PPARGC1B: variants seen among roughly 807,000 people sequenced by gnomAD.
The protein encoded by PPARGC1B is peroxisome proliferator-activated receptor gamma coactivator 1-beta.
Under a neutral mutation model 101.6 loss-of-function variants are expected in PPARGC1B, and 34 were observed. The ratio of observed to expected loss-of-function variants is 0.33; its 90% CI spans 0.25 to 0.45. PPARGC1B has a LOEUF of 0.45. Ranked by LOEUF, PPARGC1B falls within the 20% of genes least tolerant of loss-of-function variation. The pLI, the probability that PPARGC1B is intolerant of heterozygous loss-of-function variation, is 1.00. For synonymous variants in PPARGC1B, 548 were observed against 539.3 expected, an observed-to-expected ratio of 1.02 and a Z score of -0.22; for missense variants, 1,234 against 1,317.6, an observed-to-expected ratio of 0.94 and a Z score of 0.98.
At chr5:149,769,869 C>T (rs1224715481) in intron 1 of PPARGC1B, among the ~76,000 whole-genome samples, 3 of 152,214 alleles carry the variant, frequency 2.0e-5, no homozygotes, top group Non-Finnish European at 4.4e-5. Context: ...CTGCCTCCCT[C>T]TTAAAAAGAC....
chr5:149,773,528 T>C (rs1240298111), intron 1 of PPARGC1B, among the ~76,000 whole-genome samples: 1 of 152,142 alleles, frequency 6.6e-6, no homozygotes, highest in Non-Finnish European at 1.5e-5. Flanking sequence ...GGTTGCTCTG[T>C]TCTAGCCTGG....
chr5:149,779,006 A>C (rs1756497347), intron 1 of PPARGC1B, among the ~76,000 whole-genome samples: 1 of 151,954 alleles, frequency 6.6e-6, no homozygotes. Context: ...GAAAGCTGTT[A>C]CTCCCAATAA....
chr5:149,773,748 A>C (rs763942283), intron 1 of PPARGC1B, among the ~76,000 whole-genome samples: 10 of 152,004 alleles, frequency 6.6e-5, no homozygotes, highest in Admixed American at 3.3e-4. Flanking sequence ...CTGGAAATGG[A>C]TGTGTGAGGT....
intron 1 of PPARGC1B, among the ~76,000 whole-genome samples, chr5:149,809,716 T>G (rs1032486090): frequency 7.2e-6 from 1 of 139,322 alleles, no homozygotes; most frequent in African/African-American, 2.7e-5. Flanking sequence ...AAAAAAAAAT[T>G]AATCAATTTC....
At chr5:149,759,876 G>A (rs1188511837) in intron 1 of PPARGC1B, among the ~76,000 whole-genome samples, 1 of 152,236 alleles carries the variant, frequency 6.6e-6, no homozygotes, top group Non-Finnish European at 1.5e-5. Context: ...ATTTGCCTAA[G>A]TCAGGCAGCT....
intron 1 of PPARGC1B, among the ~76,000 whole-genome samples, chr5:149,799,729 C>CTTTT: frequency 1.0e-5 from 1 of 98,460 alleles, no homozygotes; most frequent in Admixed American, 1.6e-4. Flanking sequence ...CGAAGTCTTG[C>CTTTT]TCTTGTCACC....
At chr5:149,791,940 C>A (rs969793186) in intron 1 of PPARGC1B, among the ~76,000 whole-genome samples, 2 of 152,158 alleles carry the variant, frequency 1.3e-5, no homozygotes, top group Admixed American at 1.3e-4. Context: ...GCCTAGGGAA[C>A]CCCAGGATAC....
chr5:149,749,794 G>C (rs923371464), intron 1 of PPARGC1B, among the ~76,000 whole-genome samples: 7 of 152,230 alleles, frequency 4.6e-5, no homozygotes, highest in African/African-American at 1.7e-4. Context: ...CCTAATCTCT[G>C]CCATCCTGTG....
At chr5:149,780,019 G>A (rs577714337) in intron 1 of PPARGC1B, among the ~76,000 whole-genome samples, 1 of 152,324 alleles carries the variant, frequency 6.6e-6, no homozygotes, top group East Asian at 1.9e-4. Context: ...CTCAGCCCAA[G>A]ATGCTGAAAG....
In PPARGC1B at chr5:149,809,175, C is replaced by CATAGATAG. The variant is rs1170949360; in HGVS notation, c.79-11219_79-11212dup. ...GATAGATAGATAGATCCATCTCTACCATAGATAGATAGATAGATAGATAGA... is the reference window on the plus strand; with the variant it reads ...GATAGATAGATAGATCCATCTCTACCATAGATAGATAGATAGATAGATAGATAGATAGA... On this transcript the variant is annotated intron_variant, in intron 1 of 11. Coordinates refer to ENST00000309241, the MANE Select transcript of PPARGC1B (RefSeq NM_133263.4). Among the ~76,000 whole-genome samples, 18 of 42,942 alleles carry CATAGATAG rather than the reference C, an allele frequency of 4.2e-4. 1 individual carries two copies. Among genetic ancestry groups the CATAGATAG allele is most frequent in the African/African-American group, 1.7e-3 (18 of 10,866 alleles). The allele number at this position is 42,942 out of a possible 152,430, so 28.2% of individuals were successfully genotyped here. A position where few individuals can be genotyped will look rare whatever the true frequency, so the allele number is the denominator to read the frequency against.
At chr5:149,839,312 G>T (rs759882376) in intron 8 of PPARGC1B, among the ~76,000 whole-genome samples, 5 of 152,208 alleles carry the variant, frequency 3.3e-5, no homozygotes, top group Non-Finnish European at 7.3e-5. Context: ...CAGGGAGGCG[G>T]TGGGGCCAAG....
chr5:149,828,575 A>C (rs1435574313), intron 3 of PPARGC1B, among the ~76,000 whole-genome samples: 1 of 152,226 alleles, frequency 6.6e-6, no homozygotes, highest in African/African-American at 2.4e-5. Context: ...TTGGAGAAGA[A>C]CCAAAGCTTA....
intron 1 of PPARGC1B, among the ~76,000 whole-genome samples, chr5:149,733,434 C>T (rs1754578349): frequency 6.6e-6 from 1 of 152,220 alleles, no homozygotes; most frequent in Non-Finnish European, 1.5e-5. Flanking sequence ...CTCTCCCAGC[C>T]CAGCTTGCCC....
intron 1 of PPARGC1B, among the ~76,000 whole-genome samples, chr5:149,778,390 G>C (rs1756473099): frequency 6.6e-6 from 1 of 151,876 alleles, no homozygotes; most frequent in African/African-American, 2.4e-5. Context: ...CCCTCCAGTG[G>C]CCAGAGAGAC....
At position 149,826,742 on chromosome 5, in the gene PPARGC1B, G is replaced by A. The variant is rs760246140; in HGVS notation, c.322G>A (p.Val108Met). ...KTLDDIPEDD[V>M]GLAAFPALDG... ...CCTGGATGACATCCCTGAAGATGAC[G>A]TGGGTCTGGCTGCCTTCCCAGCCCT... Residue 108 changes from valine (V) to methionine (M), a missense_variant, in exon 3 of 12, where the codon GTG becomes ATG. By Grantham distance (21) the Val-to-Met change is conservative (BLOSUM62 1). Coordinates refer to ENST00000309241, the MANE Select transcript of PPARGC1B (RefSeq NM_133263.4). 1.1e-5 allele frequency: 18 copies of A among 1,613,998 alleles called. No individual in the cohort carries two copies. The highest frequency in any genetic ancestry group is 3.3e-5 in the Admixed American group (2 of 60,000).
chr5:149,837,150 G>T lies in PPARGC1B; in HGVS notation c.2618+77G>T. 1 of 1,519,360 alleles carries T rather than the reference G, an allele frequency of 6.6e-7. No individual in the cohort carries two copies. The highest frequency in any genetic ancestry group is 1.3e-5 in the South Asian group (1 of 76,164). The allele number at this position is 1,519,360 out of a possible 1,614,324, so 94.1% of individuals were successfully genotyped here. A position where few individuals can be genotyped will look rare whatever the true frequency, so the allele number is the denominator to read the frequency against. On this transcript the variant is annotated intron_variant, in intron 8 of 11. Coordinates refer to ENST00000309241, the MANE Select transcript of PPARGC1B (RefSeq NM_133263.4). This position sits in a 1 kb window ranked among gnomAD's most constrained non-coding sequence, Gnocchi z 4.2. ...CCCGGGGAGCCAGGAGCCCCAGGAG[G>T]GAGGATCCCTGGGAAGCTTGCTCTG...
intron 1 of PPARGC1B, chr5:149,739,955 A>T (rs1425561470): frequency 6.6e-6 from 1 of 152,264 alleles, no homozygotes; most frequent in African/African-American, 2.4e-5. Context: ...TCTTGGTGGC[A>T]TCTGGACCCT....
At chr5:149,736,862 C>T (rs1174624110) in intron 1 of PPARGC1B, among the ~76,000 whole-genome samples, 1 of 152,002 alleles carries the variant, frequency 6.6e-6, no homozygotes, top group Admixed American at 6.6e-5. Flanking sequence ...TGCATAGCCT[C>T]CCCCATTATT....
At chr5:149,812,655 C>G (rs1177720481) in intron 1 of PPARGC1B, among the ~76,000 whole-genome samples, 1 of 152,244 alleles carries the variant, frequency 6.6e-6, no homozygotes, top group Non-Finnish European at 1.5e-5. Flanking sequence ...GCTCTGGCTT[C>G]TTTCTCAGGC....
Sources: gnomAD v4.1 joint callset for allele counts (sites outside exome capture counted in the v4.1 genomes callset) on GRCh38, gnomAD v4.1.1 for gene constraint, Gnocchi (gnomAD v3.1) non-coding constraint, MANE v1.5 for transcripts, NCBI Gene and HGNC (gene_info 2026-07-23, HGNC 2026-07-21) for gene names.